FRMPD4: variants seen among roughly 807,000 people sequenced by gnomAD.
The protein encoded by FRMPD4 is FERM and PDZ domain containing 4.
Under a neutral mutation model 94.1 loss-of-function variants are expected in FRMPD4, and 22 were observed. The ratio of observed to expected loss-of-function variants is 0.23; its 90% CI spans 0.17 to 0.33. FRMPD4 has a LOEUF of 0.33. Ranked by LOEUF, FRMPD4 falls within the 10% of genes least tolerant of loss-of-function variation. FRMPD4 has a pLI of 1.00. For synonymous variants in FRMPD4, 631 were observed against 548.6 expected, an observed-to-expected ratio of 1.15 and a Z score of -2.10; for missense variants, 1,111 against 1,339.9, an observed-to-expected ratio of 0.83 and a Z score of 2.67.
chrX:12,047,710 C>T (rs1205486421), intron 3 of FRMPD4, among the ~76,000 whole-genome samples: 2 of 111,647 alleles, frequency 1.8e-5, no homozygotes, highest in African/African-American at 3.3e-5. Flanking sequence ...CATGTGTACC[C>T]GATGTTTAGC....
chrX:12,339,864 C>G (rs1473636471), intron 1 of FRMPD4, among the ~76,000 whole-genome samples: 1 of 112,182 alleles, frequency 8.9e-6, no homozygotes, highest in Non-Finnish European at 1.9e-5. Context: ...ATCCGCCCAC[C>G]TCGGCCTCCC....
At chrX:12,270,080 G>T (rs1315610986) in intron 1 of FRMPD4, among the ~76,000 whole-genome samples, 2 of 111,763 alleles carry the variant, frequency 1.8e-5, no homozygotes, top group East Asian at 5.6e-4. Context: ...CCTTCAGAAA[G>T]AATTTCCAGT....
intron 3 of FRMPD4, among the ~76,000 whole-genome samples, chrX:12,035,741 G>C (rs2054717226): frequency 9.0e-6 from 1 of 111,201 alleles, no homozygotes; most frequent in Admixed American, 9.6e-5. Context: ...GTCCAACAGA[G>C]ATCATGGGCC....
At chrX:12,624,939 G>GA (rs928736469) in intron 4 of FRMPD4, among the ~76,000 whole-genome samples, 5 of 109,545 alleles carry the variant, frequency 4.6e-5, no homozygotes, top group African/African-American at 1.3e-4. Context: ...AGCTCAATAG[G>GA]AAAAAAAAGA....
chrX:12,147,609 CT>C (rs1891147253), intron 1 of FRMPD4, among the ~76,000 whole-genome samples: 1 of 111,512 alleles, frequency 9.0e-6, no homozygotes, highest in Non-Finnish European at 1.9e-5. Flanking sequence ...CATTTATGAA[CT>C]CTTCAAGGGC....
intron 3 of FRMPD4, among the ~76,000 whole-genome samples, chrX:12,054,601 T>C (rs954123406): frequency 8.9e-6 from 1 of 111,901 alleles, no homozygotes; most frequent in African/African-American, 3.2e-5. Flanking sequence ...CTCTCTAGAA[T>C]GTAATTTCCC....
chrX:12,507,996 G>C (rs2058002719), intron 2 of FRMPD4, among the ~76,000 whole-genome samples: 1 of 112,048 alleles, frequency 8.9e-6, no homozygotes, highest in Admixed American at 9.5e-5. Context: ...ATGGAATGCT[G>C]AATACAAGTG....
At chrX:11,845,454 A>G (rs896414760) in intron 1 of FRMPD4, among the ~76,000 whole-genome samples, 2 of 110,828 alleles carry the variant, frequency 1.8e-5, no homozygotes, top group African/African-American at 3.3e-5. Flanking sequence ...AGAGGTACAA[A>G]GAGGAACTGG....
At chrX:12,088,076 G>A (rs780921400) in intron 3 of FRMPD4, among the ~76,000 whole-genome samples, 4 of 112,440 alleles carry the variant, frequency 3.6e-5, no homozygotes, top group Non-Finnish European at 7.5e-5. Context: ...TGAGAGTCAT[G>A]GGTCCTGGGC....
intron 1 of FRMPD4, among the ~76,000 whole-genome samples, chrX:12,313,175 C>A (rs754813246): frequency 1.8e-5 from 2 of 112,448 alleles, no homozygotes; most frequent in Non-Finnish European, 3.8e-5. Flanking sequence ...AAGTTTCAAA[C>A]TTGAGAAGAT....
chrX:12,204,044 T>C (rs1179744174), intron 1 of FRMPD4, among the ~76,000 whole-genome samples: 1 of 112,651 alleles, frequency 8.9e-6, no homozygotes, highest in African/African-American at 3.2e-5. Flanking sequence ...TCTGGTTAAA[T>C]GAGGCATATT....
At chrX:12,105,377 G>T (rs1312334591) in intron 3 of FRMPD4, among the ~76,000 whole-genome samples, 1 of 112,455 alleles carries the variant, frequency 8.9e-6, no homozygotes. Context: ...GCCAGAGAAT[G>T]ACATTTTTGC....
At chrX:12,510,293 C>G (rs193186189) in intron 2 of FRMPD4, among the ~76,000 whole-genome samples, 1 of 112,102 alleles carries the variant, frequency 8.9e-6, no homozygotes, top group East Asian at 2.8e-4. Context: ...CTAAAGAAAT[C>G]TGAATAAAAT....
Position 12,720,107 on chromosome X carries a change from G to GAAAGA in FRMPD4, c.3965-412_3965-408dup, listed in dbSNP as rs368041075. ...GAGAAAGAAAGAAAGGAGGAAGAAA[G>GAAAGA]AAAGAAAAGAAAAGAAAAGTAACAA... On this transcript the variant is annotated intron_variant, in intron 16 of 16. Coordinates refer to ENST00000675598, the MANE Select transcript of FRMPD4 (RefSeq NM_001368397.1). 8.2e-5 allele frequency among the ~76,000 whole-genome samples: 9 copies of GAAAGA among 110,110 alleles called. No homozygotes were observed. The South Asian group carries it at 2.0e-3, about 24-fold the overall frequency.
chrX:12,186,978 G>GA (rs909767843), intron 1 of FRMPD4, among the ~76,000 whole-genome samples: 1 of 112,385 alleles, frequency 8.9e-6, no homozygotes. Context: ...AGGACATCTG[G>GA]AAAATCTGAA....
intron 1 of FRMPD4, among the ~76,000 whole-genome samples, chrX:12,376,650 C>G (rs1382339701): frequency 9.0e-6 from 1 of 111,499 alleles, no homozygotes; most frequent in East Asian, 2.8e-4. Flanking sequence ...CATGTGGACA[C>G]ACACACACAC....
intron 1 of FRMPD4, among the ~76,000 whole-genome samples, chrX:12,175,658 C>T (rs1474520355): frequency 2.7e-5 from 3 of 111,811 alleles, no homozygotes; most frequent in African/African-American, 9.8e-5. Flanking sequence ...GGATTATAGG[C>T]GCCTGCCATC....
intron 4 of FRMPD4, among the ~76,000 whole-genome samples, chrX:12,649,846 G>A (rs2059581724): frequency 8.9e-6 from 1 of 112,752 alleles, no homozygotes; most frequent in Non-Finnish European, 1.9e-5. Flanking sequence ...CTTGTGCAGA[G>A]CAGTCTTCTG....
chrX:11,844,355 A>G (rs1335113785), intron 1 of FRMPD4, among the ~76,000 whole-genome samples: 3 of 109,854 alleles, frequency 2.7e-5, no homozygotes, highest in African/African-American at 9.9e-5. Flanking sequence ...TTATTTTTGG[A>G]GGATTTTTTT....
Sources: gnomAD v4.1 joint callset for allele counts (sites outside exome capture counted in the v4.1 genomes callset) on GRCh38, gnomAD v4.1.1 for gene constraint, MANE v1.5 for transcripts, NCBI Gene and HGNC (gene_info 2026-07-23, HGNC 2026-07-21) for gene names.